ANGPTL5: variants seen among roughly 807,000 people sequenced by gnomAD.
ANGPTL5 encodes the protein angiopoietin-related protein 5.
In ANGPTL5, 34 loss-of-function variants were observed where a neutral mutation model predicts 39.4. The ratio of observed to expected loss-of-function variants is 0.86; its 90% CI spans 0.66 to 1.15. The LOEUF (loss-of-function observed/expected upper bound fraction) is 1.15, where lower values mean the gene tolerates loss of function less well. Among genes scored for constraint, ANGPTL5 ranks in the 50% most tolerant of loss-of-function variants. The pLI, the probability that ANGPTL5 is intolerant of heterozygous loss-of-function variation, is 0.00. For synonymous variants in ANGPTL5, 146 were observed against 152.1 expected, an observed-to-expected ratio of 0.96 and a Z score of 0.29; for missense variants, 467 against 457.5, an observed-to-expected ratio of 1.02 and a Z score of -0.19.
intron 1 of ANGPTL5, among the ~76,000 whole-genome samples, chr11:101,913,232 G>C (rs547331867): frequency 6.6e-6 from 1 of 152,176 alleles, no homozygotes; most frequent in Non-Finnish European, 1.5e-5. Context: ...GTGCCTTTGT[G>C]TCCTAAAAAA....
At chr11:101,913,210 C>G (rs541635572) in intron 1 of ANGPTL5, among the ~76,000 whole-genome samples, 1 of 152,332 alleles carries the variant, frequency 6.6e-6, no homozygotes, top group Admixed American at 6.5e-5. Flanking sequence ...TTTAAGAGGA[C>G]TGCTCACTTG....
At chr11:101,894,312 C>A (rs11225050) in intron 8 of ANGPTL5, among the ~76,000 whole-genome samples, 13,420 of 152,198 alleles carry the variant, frequency 0.088, 912 homozygotes, top group East Asian at 0.31. Flanking sequence ...AATGCCTTTA[C>A]ATTTTCAGCA....
In ANGPTL5 at chr11:101,898,102, A is replaced by G. The variant is rs139274851; in HGVS notation, c.661+2328T>C. Among the ~76,000 whole-genome samples the G allele has an allele frequency of 8.7e-3, 1,324 of 152,220 alleles. 20 individuals are homozygous for G. Among genetic ancestry groups the G allele is most frequent in the African/African-American group, 0.031 (1,270 of 41,520 alleles). ...GCTGGGCATGGAGGCAGGCACCTGT[A>G]ATCCCAACTACTCGGGAGGCTGAGG... is the stretch of plus-strand genomic sequence containing the variant. On this transcript the variant is annotated intron_variant, in intron 7 of 8. Transcript: ENST00000334289.
chr11:101,914,694 A>G (rs1940157709), intron 1 of ANGPTL5, among the ~76,000 whole-genome samples: 1 of 151,932 alleles, frequency 6.6e-6, no homozygotes, highest in African/African-American at 2.4e-5. Context: ...AACAAATTCA[A>G]CTCCAAATTG....
At chr11:101,900,674 A>G in intron 6 of ANGPTL5, 124 bp from the exon 7 acceptor site, 1 of 905,334 alleles carries the variant, frequency 1.1e-6, no homozygotes, top group Non-Finnish European at 1.7e-6. Flanking sequence ...TTTTCAATGC[A>G]ATCATATGCC....
At chr11:101,894,730 C>T in intron 8 of ANGPTL5, 149 bp downstream of exon 8, 1 of 809,138 alleles carries the variant, frequency 1.2e-6, no homozygotes, top group African/African-American at 1.7e-5. Context: ...TTTCAAAACT[C>T]AAGACTTGGC....
Position 101,907,243 on chromosome 11 carries a change from G to A in ANGPTL5, c.101C>T (p.Ser34Phe). ...QGNCVHHSTD[S>F]SVVNIVEDGS... ...ATCTTCTACAATGTTAACTACTGAAGAGTCCTTTATATTAAAAAATAGAAA... is the reference window on the plus strand; with the variant it reads ...ATCTTCTACAATGTTAACTACTGAAAAGTCCTTTATATTAAAAAATAGAAA... The change falls in exon 3 of 9, where the codon TCT (serine) becomes TTT (phenylalanine). Residue 34 changes from serine to phenylalanine, a missense_variant. Physicochemically the swap from Ser to Phe is radical, Grantham distance 155 (BLOSUM62 -2). Transcript: ENST00000334289. The A allele has an allele frequency of 6.7e-7, 1 of 1,484,692 alleles. No homozygotes were observed. Among genetic ancestry groups the A allele is most frequent in the East Asian group, 2.4e-5 (1 of 42,330 alleles). The allele number at this position is 1,484,692 out of a possible 1,614,324, so 92.0% of individuals were successfully genotyped here. A position where few individuals can be genotyped will look rare whatever the true frequency, so the allele number is the denominator to read the frequency against.
At position 101,907,920 on chromosome 11, in the gene ANGPTL5, GAT is replaced by G. The variant is rs756694056; in HGVS notation, c.-13_-12del. On this transcript the variant is annotated 5_prime_UTR_variant, in exon 2 of 9. Transcript: ENST00000334289. ...GGATGGAGACATCATATTTTTCTTG[GAT>G]AGATGAAAACACTTCTTCAAATATC... is the stretch of plus-strand genomic sequence containing the variant. 30 of 1,554,182 alleles carry G rather than the reference GAT, an allele frequency of 1.9e-5. No individual in the cohort carries two copies. Among genetic ancestry groups the G allele is most frequent in the Middle Eastern group, 3.4e-4 (2 of 5,960 alleles).
chr11:101,904,018 G>C (rs1039574643), intron 5 of ANGPTL5, among the ~76,000 whole-genome samples: 3 of 152,120 alleles, frequency 2.0e-5, no homozygotes, highest in Non-Finnish European at 4.4e-5. Flanking sequence ...AACATATCAA[G>C]AGAGCAGCAA....
At chr11:101,915,363 C>A in intron 1 of ANGPTL5, 1 of 1,613,962 alleles carries the variant, frequency 6.2e-7, no homozygotes, top group Non-Finnish European at 8.5e-7. Flanking sequence ...CGACAGAGCC[C>A]CCCTCGGCCC....
intron 8 of ANGPTL5, among the ~76,000 whole-genome samples, chr11:101,893,593 T>C (rs1042714941): frequency 6.6e-6 from 1 of 152,200 alleles, no homozygotes; most frequent in Non-Finnish European, 1.5e-5. Flanking sequence ...ATTATCAATA[T>C]TATCCTTTAA....
At chr11:101,891,755 A>T (rs907115977) in intron 8 of ANGPTL5, among the ~76,000 whole-genome samples, 157 bp from the exon 9 acceptor site, 3 of 152,188 alleles carry the variant, frequency 2.0e-5, no homozygotes, top group Admixed American at 2.0e-4. Flanking sequence ...TCGAAGATTC[A>T]ACATGCCACA....
At chr11:101,915,149 G>C (rs756252505) in intron 1 of ANGPTL5, 328 of 1,367,158 alleles carry the variant, frequency 2.4e-4, no homozygotes, top group Non-Finnish European at 3.2e-4. Flanking sequence ...GGGCTGTCGA[G>C]GCCAACCCTT....
At position 101,894,952 on chromosome 11, in the gene ANGPTL5, T is replaced by C. The variant is rs766085990; in HGVS notation, c.774A>G (p.Ser258=). Residue 258 remains serine (S), a synonymous_variant, in exon 8 of 9, where the codon TCA becomes TCG. Transcript: ENST00000334289. ...ESEDDTLAYA[S]YDNFWLEDET... is the part of the protein sequence containing the mutation. ...CATCCTCTAGCCAAAAATTATCATA[T>C]GATGCATAAGCAAGAGTGTCATCTT... 16 of 1,613,096 alleles carry C rather than the reference T, an allele frequency of 9.9e-6. No homozygotes were observed. In the Admixed American group the frequency reaches 2.5e-4, roughly 25 times the overall value.
intron 1 of ANGPTL5, among the ~76,000 whole-genome samples, 194 bp from the exon 2 acceptor site, chr11:101,908,195 A>G (rs1940030536): frequency 6.6e-6 from 1 of 152,228 alleles, no homozygotes; most frequent in African/African-American, 2.4e-5. Context: ...AAATAGATAA[A>G]TAAGTAAATA....
rs1939688049 is a variant in ANGPTL5, at chr11:101,891,336, G to C, written c.1110C>G (p.Val370=). ...TTTTCATTGAAACAGATTTAATCTT[G>C]ACAGGTGAGTTGTTTTTGGTCCACG... is the stretch of plus-strand genomic sequence containing the variant. ...WGTWTKNNSP[V]KIKSVSMKIR... Residue 370 remains valine, a synonymous_variant, in exon 9 of 9, where the codon GTC becomes GTG. Coordinates refer to ENST00000334289, the MANE Select transcript of ANGPTL5 (RefSeq NM_178127.5). 1 of 1,613,810 alleles carries C rather than the reference G, an allele frequency of 6.2e-7. No homozygotes were observed. The highest frequency in any genetic ancestry group is 1.3e-5 in the African/African-American group (1 of 74,892).
intron 1 of ANGPTL5, among the ~76,000 whole-genome samples, chr11:101,913,759 A>G (rs1940134274): frequency 6.6e-6 from 1 of 152,170 alleles, no homozygotes; most frequent in African/African-American, 2.4e-5. Context: ...ATATTCTCAT[A>G]TTCATCTGTA....
At chr11:101,905,629 G>A (rs1939985980) in intron 4 of ANGPTL5, 115 bp downstream of exon 4, 1 of 740,262 alleles carries the variant, frequency 1.4e-6, no homozygotes, top group African/African-American at 1.8e-5. Context: ...CTCTAACATG[G>A]TAGGCGCTAA....
chr11:101,915,102 C>A, intron 1 of ANGPTL5: 1 of 851,166 alleles, frequency 1.2e-6, no homozygotes, highest in Non-Finnish European at 1.7e-6. Context: ...CAGCTGCCAT[C>A]GCCGCTACAG....
Sources: allele counts gnomAD v4.1 joint callset (sites outside exome capture counted in the v4.1 genomes callset), GRCh38; gene constraint gnomAD v4.1.1; transcripts MANE v1.5; gene names NCBI Gene and HGNC (gene_info 2026-07-23, HGNC 2026-07-21).